KDM5B: variants seen among roughly 807,000 people sequenced by gnomAD.
KDM5B encodes lysine-specific demethylase 5B.
A neutral mutation model predicts 193.4 loss-of-function variants in KDM5B; 144 were observed. The ratio of observed to expected loss-of-function variants is 0.74; its 90% CI spans 0.65 to 0.86. The LOEUF is 0.86. Among genes scored for constraint, KDM5B ranks in the 40% least tolerant of loss-of-function variants. KDM5B has a pLI of 0.00. For missense variants in KDM5B, 1,833 were observed against 1,886.9 expected, an observed-to-expected ratio of 0.97 and a Z score of 0.53; for synonymous variants, 668 against 682.6, an observed-to-expected ratio of 0.98 and a Z score of 0.33.
At chr1:202,797,293 C>T (rs1046877868) in intron 1 of KDM5B, among the ~76,000 whole-genome samples, 1 of 152,078 alleles carries the variant, frequency 6.6e-6, no homozygotes, top group Non-Finnish European at 1.5e-5. Flanking sequence ...CCTGCTGCTT[C>T]CATCCTGGGG....
chr1:202,767,373 C>T, intron 4 of KDM5B: 5 of 1,521,872 alleles, frequency 3.3e-6, no homozygotes, highest in African/African-American at 2.7e-5. Flanking sequence ...CACAGTGGCT[C>T]CTACGGACCA....
chr1:202,778,279 A>C (rs1293256675), intron 1 of KDM5B, among the ~76,000 whole-genome samples: 4 of 152,212 alleles, frequency 2.6e-5, no homozygotes, highest in South Asian at 2.1e-4. Context: ...GGAAGTAATC[A>C]GACAATTAAA....
chr1:202,745,888 C>T lies in KDM5B; in HGVS notation c.2293G>A (p.Ala765Thr), dbSNP rs2102241832. Residue 765 changes from alanine (A) to threonine (T), a missense_variant, in exon 16 of 27, where the codon GCT (alanine) becomes ACT (threonine). By Grantham distance (58) the Ala-to-Thr change is moderately conservative (BLOSUM62 0). This residue lies in a region of KDM5B where 1,379 missense variants were observed against 1,349.6 expected (regional missense o/e 1.02). Transcript: ENST00000367265. ...YNEWALNVNEALEAKINKKKS... is the reference protein window; with the variant it reads ...YNEWALNVNETLEAKINKKKS... The stretch of plus-strand genomic sequence containing the variant: ...TTCTTGTTGATCTTTGCCTCCAAAG[C>T]TTCATTCACATTCAAGGCCCATTCG... 2 of 1,614,046 alleles carry T rather than the reference C, an allele frequency of 1.2e-6. No homozygotes were observed. Among genetic ancestry groups the T allele is most frequent in the Non-Finnish European group, 1.7e-6 (2 of 1,179,934 alleles).
intron 4 of KDM5B, among the ~76,000 whole-genome samples, chr1:202,767,821 C>A (rs1046145798): frequency 6.6e-6 from 1 of 152,026 alleles, no homozygotes; most frequent in Non-Finnish European, 1.5e-5. Flanking sequence ...TTTGTGCTTG[C>A]GACTGTCAGT....
intron 20 of KDM5B, among the ~76,000 whole-genome samples, chr1:202,736,961 G>A (rs947691999): frequency 9.2e-5 from 14 of 152,078 alleles, no homozygotes; most frequent in Non-Finnish European, 8.8e-5. Flanking sequence ...TTTGTGCTAG[G>A]CTCTAAGGAT....
intron 5 of KDM5B, chr1:202,766,598 T>C: frequency 2.3e-6 from 1 of 435,560 alleles, no homozygotes; most frequent in Non-Finnish European, 4.2e-6. Context: ...TTTTCTAGCC[T>C]TAATCTCCAT....
intron 8 of KDM5B, 120 bp from the exon 9 acceptor site, chr1:202,758,630 G>A (rs1656115183): frequency 2.9e-6 from 2 of 684,492 alleles, no homozygotes; most frequent in South Asian, 8.5e-5. Context: ...TCTATGCTAG[G>A]TCTACATTAT....
rs777450660 is a variant in KDM5B, at chr1:202,774,640, C to G, written c.378G>C (p.Lys126Asn). The G allele has an allele frequency of 4.1e-5, 66 of 1,612,616 alleles. No homozygotes were observed. The highest frequency in any genetic ancestry group is 7.6e-6 in the Non-Finnish European group (9 of 1,178,800). Residue 126 changes from lysine to asparagine, a missense_variant, in exon 3 of 27, where the codon AAG becomes AAC. Lys to Asn is a moderately conservative substitution (Grantham distance 94, BLOSUM62 0). Coordinates refer to ENST00000367265, the MANE Select transcript of KDM5B (RefSeq NM_006618.5). ...STLKIPHVER[K>N]ILDLFQLNKL... ...TATTAAGCTGAAATAAGTCCAAGAT[C>G]TTCCTCTCCACATGTGGAATTTTCA...
intron 3 of KDM5B, among the ~76,000 whole-genome samples, chr1:202,774,092 T>C (rs989934247): frequency 2.6e-5 from 4 of 152,112 alleles, no homozygotes; most frequent in Non-Finnish European, 5.9e-5. Flanking sequence ...TCCTTATCTG[T>C]AATAAAAAGA....
intron 10 of KDM5B, among the ~76,000 whole-genome samples, chr1:202,755,806 T>C (rs576052482): frequency 6.6e-6 from 1 of 152,102 alleles, no homozygotes; most frequent in East Asian, 1.9e-4. Context: ...AGAGGAAAAG[T>C]AGTGAAGGAG....
rs1185088652 is a variant in KDM5B at position 202,762,733 on chromosome 1, T to C, written c.884A>G (p.Lys295Arg). The change falls in exon 7 of 27, where the codon AAG (lysine) becomes AGG (arginine). Residue 295 changes from lysine to arginine, a missense_variant. Lys to Arg is a conservative substitution (Grantham distance 26, BLOSUM62 2). Transcript: ENST00000367265. ...KDYIVENEKEKPKSRSKKATN... is the reference protein window; with the variant it reads ...KDYIVENEKERPKSRSKKATN... ...GGCTTTTTTAGATCGACTCTTGGGC[T>C]TTTCCTTCTCATTTTCTACAATATA... 1 of 1,609,006 alleles carries C rather than the reference T, an allele frequency of 6.2e-7. No individual in the cohort carries two copies. The highest frequency in any genetic ancestry group is 1.3e-5 in the African/African-American group (1 of 74,808).
At chr1:202,743,356 A>C (rs1213245555) in intron 16 of KDM5B, among the ~76,000 whole-genome samples, 5 of 151,472 alleles carry the variant, frequency 3.3e-5, no homozygotes, top group East Asian at 1.9e-4. Context: ...AAAAAAAAAA[A>C]AAAAAAAACA....
rs747245037 is a variant in KDM5B at position 202,746,127 on chromosome 1, G to A, written c.2198+15C>T. On this transcript the variant is annotated intron_variant, in intron 15 of 26. Transcript: ENST00000367265. ...ACTGTTTTCCATAGGAAAAAAAATCGTTCTTCCTACTTACCGCAATTTATA... is the reference window on the plus strand; with the variant it reads ...ACTGTTTTCCATAGGAAAAAAAATCATTCTTCCTACTTACCGCAATTTATA... The A allele has an allele frequency of 6.1e-5, 97 of 1,593,924 alleles. No homozygotes were observed. The highest frequency in any genetic ancestry group is 8.0e-5 in the Non-Finnish European group (94 of 1,168,972).
Position 202,760,557 on chromosome 1 carries a change from C to G in KDM5B, c.935G>C (p.Cys312Ser). The G allele has an allele frequency of 1.2e-6, 2 of 1,611,670 alleles. No homozygotes were observed. The highest frequency in any genetic ancestry group is 1.7e-6 in the Non-Finnish European group (2 of 1,178,774). ...KATNAVDLYV[C>S]LLCGSGNDED... ...ATCATTGCCACTGCCACATAAAAGA[C>G]AGACATACAGGTCCACCTGTAGCAA... The change falls in exon 8 of 27, where the codon TGT becomes TCT. Residue 312 changes from cysteine to serine, a missense_variant. By Grantham distance (112) the Cys-to-Ser change is moderately radical. Coordinates refer to ENST00000367265, the MANE Select transcript of KDM5B (RefSeq NM_006618.5).
chr1:202,761,906 C>T (rs957671226), intron 7 of KDM5B, among the ~76,000 whole-genome samples: 1 of 150,730 alleles, frequency 6.6e-6, no homozygotes, highest in Non-Finnish European at 1.5e-5. Flanking sequence ...CTGTTGCAGT[C>T]TATTTATTGT....
chr1:202,757,474 C>A (rs1403603459), intron 9 of KDM5B, among the ~76,000 whole-genome samples: 1 of 152,176 alleles, frequency 6.6e-6, no homozygotes, highest in Non-Finnish European at 1.5e-5. Context: ...TCAATGTCCT[C>A]ATCTAATATT....
intron 19 of KDM5B, 42 bp from the exon 20 acceptor site, chr1:202,740,854 G>C: frequency 6.5e-7 from 1 of 1,549,924 alleles, no homozygotes; most frequent in Non-Finnish European, 8.7e-7. Flanking sequence ...TTTATATGAT[G>C]GTTCATTTTT....
intron 12 of KDM5B, 26 bp from the exon 13 acceptor site, chr1:202,750,804 T>C (rs778798866): frequency 1.5e-5 from 24 of 1,608,292 alleles, no homozygotes; most frequent in African/African-American, 2.7e-5. Flanking sequence ...TTGAAGATTT[T>C]TGAGTTTCTT....
In KDM5B at chr1:202,762,738, C is replaced by T. The variant is rs1199197252; in HGVS notation, c.879G>A (p.Lys293=). 2 of 1,610,228 alleles carry T rather than the reference C, an allele frequency of 1.2e-6. No homozygotes were observed. The change falls in exon 7 of 27, where the codon AAG becomes AAA. Residue 293 remains lysine (K), a synonymous_variant. Coordinates refer to ENST00000367265, the MANE Select transcript of KDM5B (RefSeq NM_006618.5). ...TTTTAGATCGACTCTTGGGCTTTTC[C>T]TTCTCATTTTCTACAATATAATCTT... ...ERKDYIVENE[K]EKPKSRSKKA...
Sources: allele counts gnomAD v4.1 joint callset (sites outside exome capture counted in the v4.1 genomes callset), GRCh38; gene constraint gnomAD v4.1.1; regional missense constraint gnomAD v4.1.1; transcripts MANE v1.5; gene names NCBI Gene and HGNC (gene_info 2026-07-23, HGNC 2026-07-21).